Variants in HNF4A observed in about 807,000 individuals in gnomAD.
HNF4A encodes the protein hepatocyte nuclear factor 4-alpha.
HNF4A carries 15 observed loss-of-function variants against 52.4 expected under a neutral mutation model. The ratio of observed to expected loss-of-function variants is 0.29; its 90% CI spans 0.19 to 0.44. The LOEUF (loss-of-function observed/expected upper bound fraction) is 0.44, where lower values mean the gene tolerates loss of function less well. Ranked by LOEUF, HNF4A falls within the 20% of genes least tolerant of loss-of-function variation. The pLI is 1.00. For synonymous variants in HNF4A, 280 were observed against 264.4 expected (o/e 1.06, Z -0.57); for missense variants, 479 against 647.2 (o/e 0.74, Z 2.82).
chr20:44,373,097 G>A (rs2063050709), intron 1 of HNF4A: 1 of 152,098 alleles, frequency 6.6e-6, no homozygotes, highest in Non-Finnish European at 1.5e-5. Flanking sequence ...GCACATAAAG[G>A]CTCTATAAAT....
chr20:44,408,628 G>A (rs2063536873), intron 3 of HNF4A, among the ~76,000 whole-genome samples: 1 of 152,190 alleles, frequency 6.6e-6, no homozygotes, highest in Non-Finnish European at 1.5e-5. Context: ...TCGGAAGGCT[G>A]AGGCAGGAGA....
At chr20:44,401,130 G>A (rs2063401475), upstream of HNF4A, 13 of 1,271,540 alleles carry the variant, frequency 1.0e-5, no homozygotes, top group Non-Finnish European at 1.4e-5. Context: ...CCAAATCCCT[G>A]CAGCCCCGCC....
chr20:44,363,326 A>AGT (rs774074127), intron 1 of HNF4A, among the ~76,000 whole-genome samples: 14 of 152,208 alleles, frequency 9.2e-5, no homozygotes, highest in Non-Finnish European at 1.5e-4. Context: ...TTATACCTAT[A>AGT]GTGTGTGCAT....
chr20:44,384,748 A>G (rs1028343104), intron 1 of HNF4A: 2 of 152,152 alleles, frequency 1.3e-5, no homozygotes, highest in African/African-American at 4.8e-5. Flanking sequence ...GCCGGAAAGG[A>G]GAGAAATAGA....
At chr20:44,375,492 TTTG>T (rs1273462880) in intron 1 of HNF4A, among the ~76,000 whole-genome samples, 1 of 150,820 alleles carries the variant, frequency 6.6e-6, no homozygotes, top group Non-Finnish European at 1.5e-5. Flanking sequence ...GGGAAATGTT[TTTG>T]TTTTTTTTTT....
chr20:44,419,888 A>G lies in HNF4A; in HGVS notation c.892+12A>G, dbSNP rs1600734399. ...CTTCTTTGACCCAGGTACAGTGCACACCTCCTAAGCCATCCCTGACTCTCT... is the reference window on the plus strand; with the variant it reads ...CTTCTTTGACCCAGGTACAGTGCACGCCTCCTAAGCCATCCCTGACTCTCT... On this transcript the variant is annotated intron_variant, in intron 7 of 9. Transcript: ENST00000316099. 1 of 1,613,372 alleles carries G rather than the reference A, an allele frequency of 6.2e-7. No individual in the cohort carries two copies. The highest frequency in any genetic ancestry group is 1.1e-5 in the South Asian group (1 of 91,074).
chr20:44,419,107 A>G (rs1397903427), intron 6 of HNF4A, among the ~76,000 whole-genome samples: 1 of 152,178 alleles, frequency 6.6e-6, no homozygotes, highest in Admixed American at 6.5e-5. Flanking sequence ...TTTCTGGAGT[A>G]GGAGCAAGAG....
At chr20:44,390,152 A>G (rs2063284022) in intron 1 of HNF4A, among the ~76,000 whole-genome samples, 1 of 151,154 alleles carries the variant, frequency 6.6e-6, no homozygotes, top group Non-Finnish European at 1.5e-5. Context: ...GGTCTGGCAG[A>G]CTCTGAAGCC....
intron 1 of HNF4A, among the ~76,000 whole-genome samples, chr20:44,368,158 A>ATTTTTT (rs1477714904): frequency 1.5e-4 from 2 of 13,218 alleles, no homozygotes; most frequent in African/African-American, 5.9e-4. Flanking sequence ...ATATATATAT[A>ATTTTTT]TATTTTTTTT....
intron 6 of HNF4A, among the ~76,000 whole-genome samples, chr20:44,419,221 T>C (rs2063709697): frequency 6.6e-6 from 1 of 152,242 alleles, no homozygotes; most frequent in African/African-American, 2.4e-5. Flanking sequence ...CCAGGGACTG[T>C]GCTCACTGCT....
chr20:44,389,616 T>C (rs577798899), intron 1 of HNF4A: 2 of 152,370 alleles, frequency 1.3e-5, no homozygotes, highest in South Asian at 4.1e-4. Context: ...ATGTTGACTG[T>C]TTCGATGGAC....
intron 1 of HNF4A, among the ~76,000 whole-genome samples, chr20:44,401,874 G>A (rs1368518937): frequency 6.6e-6 from 1 of 152,056 alleles, no homozygotes; most frequent in Non-Finnish European, 1.5e-5. Context: ...TTGGGCCTAG[G>A]TTCAGAGAGA....
Position 44,405,952 on chromosome 20 carries a change from C to T in HNF4A, c.116-106C>T, listed in dbSNP as rs1015910056. ...GGAGGTGATGGAGTGGGAACAGCCC[C>T]CAGATCTGGCTGAGGCCGAAGCCCT... On this transcript the variant is annotated intron_variant, in intron 1 of 9. Coordinates refer to ENST00000316099, the MANE Select transcript of HNF4A (RefSeq NM_000457.6). 2.7e-5 allele frequency: 30 copies of T among 1,097,304 alleles called. No individual in the cohort carries two copies. The South Asian group carries it at 3.6e-4, about 13-fold the overall frequency. The allele number at this position is 1,097,304 out of a possible 1,614,324, so 68.0% of individuals were successfully genotyped here.
intron 7 of HNF4A, among the ~76,000 whole-genome samples, chr20:44,421,796 T>TATATATATAATATATAGTG (rs1349658243): frequency 6.8e-5 from 10 of 146,566 alleles, no homozygotes; most frequent in African/African-American, 2.5e-4. Context: ...ATATATATTA[T>TATATATATAATATATAGTG]ATATATATAA....
intron 1 of HNF4A, among the ~76,000 whole-genome samples, chr20:44,380,763 T>C (rs2063143420): frequency 6.6e-6 from 1 of 152,230 alleles, no homozygotes; most frequent in Non-Finnish European, 1.5e-5. Flanking sequence ...ATTTTTCTAA[T>C]TTTGATGTAG....
chr20:44,402,503 A>G (rs2063423961), intron 1 of HNF4A: 2 of 1,250,592 alleles, frequency 1.6e-6, no homozygotes, highest in Admixed American at 2.2e-5. Flanking sequence ...TGTTGTTGCC[A>G]CTCACCAAGT....
chr20:44,368,392 C>G (rs1430099265), intron 1 of HNF4A, among the ~76,000 whole-genome samples: 1 of 151,406 alleles, frequency 6.6e-6, no homozygotes, highest in African/African-American at 2.4e-5. Flanking sequence ...GTGTCGAACT[C>G]ATGACCTCAA....
intron 1 of HNF4A, among the ~76,000 whole-genome samples, chr20:44,360,119 C>T (rs2062901453): frequency 6.6e-6 from 1 of 152,174 alleles, no homozygotes; most frequent in Admixed American, 6.5e-5. Flanking sequence ...ATAGTCCAGC[C>T]TTCCACAGGG....
At chr20:44,366,946 C>A (rs1022162600) in intron 1 of HNF4A, among the ~76,000 whole-genome samples, 2 of 152,152 alleles carry the variant, frequency 1.3e-5, no homozygotes, top group Non-Finnish European at 2.9e-5. Context: ...TCAGAAGGCC[C>A]AGATCTGGGA....
Sources: allele counts gnomAD v4.1 joint callset (sites outside exome capture counted in the v4.1 genomes callset), GRCh38; gene constraint gnomAD v4.1.1; transcripts MANE v1.5; gene names NCBI Gene and HGNC (gene_info 2026-07-23, HGNC 2026-07-21).